CNTN5: variants seen among roughly 807,000 people sequenced by gnomAD.
The protein encoded by CNTN5 is contactin-5.
In CNTN5, 77 loss-of-function variants were observed where a neutral mutation model predicts 129.1. The ratio of observed to expected loss-of-function variants is 0.60; its 90% CI spans 0.50 to 0.72. The LOEUF (loss-of-function observed/expected upper bound fraction) is 0.72. CNTN5 is among the 30% of genes least tolerant of loss of function. CNTN5 has a pLI of 0.00. For synonymous variants in CNTN5, 509 were observed against 465.6 expected, an observed-to-expected ratio of 1.09 and a Z score of -1.20; for missense variants, 1,478 against 1,328.8, an observed-to-expected ratio of 1.11 and a Z score of -1.75.
intron 6 of CNTN5, among the ~76,000 whole-genome samples, chr11:99,902,852 G>C (rs1817679468): frequency 6.6e-6 from 1 of 152,078 alleles, no homozygotes; most frequent in Non-Finnish European, 1.5e-5. Context: ...ATAATTAAAA[G>C]ATAGGAAAGA....
intron 3 of CNTN5, among the ~76,000 whole-genome samples, chr11:99,794,326 T>A (rs1945859157): frequency 6.6e-6 from 1 of 152,286 alleles, no homozygotes; most frequent in East Asian, 1.9e-4. Flanking sequence ...TCACTGCATG[T>A]GAGATGGGTC....
At chr11:100,040,956 T>C (rs904225864) in intron 9 of CNTN5, among the ~76,000 whole-genome samples, 1 of 152,178 alleles carries the variant, frequency 6.6e-6, no homozygotes, top group Non-Finnish European at 1.5e-5. Context: ...CTGCTTTGGC[T>C]CATGCACGGT....
chr11:99,591,691 T>C (rs903645900), intron 3 of CNTN5, among the ~76,000 whole-genome samples: 5 of 152,088 alleles, frequency 3.3e-5, no homozygotes, highest in Non-Finnish European at 7.4e-5. Flanking sequence ...GATAACGAGA[T>C]ACTGTCATGG....
chr11:99,273,909 A>T (rs978674909), intron 1 of CNTN5, among the ~76,000 whole-genome samples: 8 of 151,706 alleles, frequency 5.3e-5, no homozygotes, highest in African/African-American at 1.9e-4. Context: ...GCTTCTTAGG[A>T]ACTTTTAGGG....
intron 3 of CNTN5, among the ~76,000 whole-genome samples, chr11:99,765,452 A>G (rs1939374): frequency 0.52 from 78,419 of 151,382 alleles, 20,742 homozygotes; most frequent in East Asian, 0.71. Context: ...AGACACAACT[A>G]TATTTCATAA....
At chr11:99,846,947 G>A (rs966964667) in intron 6 of CNTN5, among the ~76,000 whole-genome samples, 1 of 152,110 alleles carries the variant, frequency 6.6e-6, no homozygotes, top group East Asian at 1.9e-4. Flanking sequence ...ATTATGTGGT[G>A]TATCACAGAA....
chr11:99,829,397 C>A lies in CNTN5; in HGVS notation c.277+9632C>A, dbSNP rs375336016. Among the ~76,000 whole-genome samples, 16 of 152,124 alleles carry A rather than the reference C, an allele frequency of 1.1e-4. No individual in the cohort carries two copies. The East Asian group carries it at 1.3e-3, about 13-fold the overall frequency. On this transcript the variant is annotated intron_variant, in intron 4 of 24. Transcript: ENST00000524871. ...ATGTTATACTTTGGTCATCCCCAGGCTTTATGTTTGAAAATAATCAAGAAA... is the reference window on the plus strand; with the variant it reads ...ATGTTATACTTTGGTCATCCCCAGGATTTATGTTTGAAAATAATCAAGAAA...
intron 2 of CNTN5, among the ~76,000 whole-genome samples, chr11:99,460,707 GA>G (rs1944665353): frequency 6.6e-6 from 1 of 151,946 alleles, no homozygotes; most frequent in African/African-American, 2.4e-5. Flanking sequence ...GTGATTTTCA[GA>G]TACTGAAAAT....
intron 1 of CNTN5, among the ~76,000 whole-genome samples, chr11:99,311,514 C>T (rs1330091833): frequency 6.6e-6 from 1 of 152,020 alleles, no homozygotes; most frequent in Non-Finnish European, 1.5e-5. Flanking sequence ...GGTTCTTTCA[C>T]TAGGGAAGGG....
intron 21 of CNTN5, among the ~76,000 whole-genome samples, chr11:100,310,650 A>T (rs1278448737): frequency 2.0e-5 from 3 of 151,966 alleles, no homozygotes; most frequent in African/African-American, 7.2e-5. Flanking sequence ...TATGAGATAC[A>T]ATTTCAGTTG....
At chr11:99,634,186 T>C (rs1951465747) in intron 3 of CNTN5, among the ~76,000 whole-genome samples, 1 of 152,144 alleles carries the variant, frequency 6.6e-6, no homozygotes, top group African/African-American at 2.4e-5. Flanking sequence ...TTGTAAGGGC[T>C]AAATTCAAAA....
chr11:99,429,774 G>A (rs1042594894), intron 2 of CNTN5, among the ~76,000 whole-genome samples: 2 of 152,058 alleles, frequency 1.3e-5, no homozygotes, highest in African/African-American at 4.8e-5. Context: ...AGTACACTTT[G>A]TTACTAAGGC....
chr11:99,625,713 C>A (rs1286308509), intron 3 of CNTN5, among the ~76,000 whole-genome samples: 1 of 151,846 alleles, frequency 6.6e-6, no homozygotes, highest in South Asian at 2.1e-4. Context: ...TACATACATC[C>A]CATCACTTTT....
intron 9 of CNTN5, among the ~76,000 whole-genome samples, chr11:100,030,081 A>C (rs1449881754): frequency 1.3e-5 from 2 of 152,190 alleles, no homozygotes; most frequent in Non-Finnish European, 2.9e-5. Context: ...CCAAATAGTA[A>C]AGAACATGGC....
intron 7 of CNTN5, among the ~76,000 whole-genome samples, chr11:99,954,155 A>G (rs2136159340): frequency 6.6e-6 from 1 of 152,344 alleles, no homozygotes; most frequent in Non-Finnish European, 1.5e-5. Flanking sequence ...TAATAAAAAA[A>G]GAAAGTAAAC....
At chr11:99,541,649 T>C (rs903944471) in intron 2 of CNTN5, among the ~76,000 whole-genome samples, 1 of 152,122 alleles carries the variant, frequency 6.6e-6, no homozygotes, top group African/African-American at 2.4e-5. Context: ...GCCTCAGCAC[T>C]ATTGAAATTT....
intron 7 of CNTN5, among the ~76,000 whole-genome samples, chr11:99,953,435 T>A (rs1950722888): frequency 6.6e-6 from 1 of 152,194 alleles, no homozygotes; most frequent in South Asian, 2.1e-4. Flanking sequence ...TTAGAAATGA[T>A]GACTGAAATA....
chr11:100,061,095 T>A, intron 9 of CNTN5, 117 bp from the exon 10 acceptor site: 1 of 748,446 alleles, frequency 1.3e-6, no homozygotes, highest in Non-Finnish European at 2.1e-6. Flanking sequence ...ACATGGTCCT[T>A]AATTGTGATT....
At chr11:99,558,348 T>A (rs1415245470) in intron 3 of CNTN5, 1 of 352,318 alleles carries the variant, frequency 2.8e-6, no homozygotes. Flanking sequence ...CAGTTAGATT[T>A]GGATTTCAAA....
Sources: gnomAD v4.1 joint callset for allele counts (sites outside exome capture counted in the v4.1 genomes callset) on GRCh38, gnomAD v4.1.1 for gene constraint, MANE v1.5 for transcripts, NCBI Gene and HGNC (gene_info 2026-07-23, HGNC 2026-07-21) for gene names.